NFIB: variants seen among roughly 807,000 people sequenced by gnomAD.
NFIB encodes nuclear factor I B.
In NFIB, 11 loss-of-function variants were observed where a neutral mutation model predicts 61.5. The ratio of observed to expected loss-of-function variants is 0.18; its 90% CI spans 0.11 to 0.30. The LOEUF is 0.30. NFIB is among the 10% of genes least tolerant of loss of function. The probability of loss-of-function intolerance (pLI) is 1.00; values close to 1 mark genes in which losing one functional copy is unlikely to be tolerated. For synonymous variants in NFIB, 260 were observed against 216.5 expected (o/e 1.20, Z -1.76); for missense variants, 471 against 608.9 (o/e 0.77, Z 2.38).
At chr9:14,204,358 G>A in intron 2 of NFIB, 2 of 867,590 alleles carry the variant, frequency 2.3e-6, no homozygotes. Flanking sequence ...AAAGGCCTAA[G>A]AATTTTGGCA....
At chr9:14,123,393 T>C (rs1018241782) in intron 7 of NFIB, among the ~76,000 whole-genome samples, 1 of 152,228 alleles carries the variant, frequency 6.6e-6, no homozygotes, top group Non-Finnish European at 1.5e-5. Flanking sequence ...TCTTCTTTCC[T>C]TCAGTCTTGC....
At chr9:14,526,154 T>C in the NFIB span, among the ~76,000 whole-genome samples, 14 of 152,132 alleles carry the variant, frequency 9.2e-5, no homozygotes. Context: ...ATATCCATTA[T>C]GTTCTAACCT....
At chr9:14,408,849 A>G in the NFIB span, among the ~76,000 whole-genome samples, 1 of 152,138 alleles carries the variant, frequency 6.6e-6, no homozygotes, top group Non-Finnish European at 1.5e-5. Flanking sequence ...CATTTTTTTA[A>G]TCCTCATAGC....
At chr9:14,150,959 T>A (rs145331001) in intron 4 of NFIB, among the ~76,000 whole-genome samples, 3,155 of 152,202 alleles carry the variant, frequency 0.021, 52 homozygotes, top group Middle Eastern at 0.044. Context: ...TCTGTTCACA[T>A]TTTTTAAATT....
At chr9:14,350,724 G>T (rs965942097) in intron 1 of NFIB, among the ~76,000 whole-genome samples, 1 of 152,154 alleles carries the variant, frequency 6.6e-6, no homozygotes, top group African/African-American at 2.4e-5. Flanking sequence ...TACCTTATGG[G>T]CGCTGATCGT....
chr9:14,113,211 C>G lies in NFIB; in HGVS notation c.1385-130G>C, dbSNP rs2037647241. The G allele has an allele frequency of 4.4e-6, 3 of 688,558 alleles. No individual in the cohort carries two copies. The South Asian group carries it at 6.5e-5, about 15-fold the overall frequency. The allele number at this position is 688,558 out of a possible 1,614,324, so 42.7% of individuals were successfully genotyped here. ...AAAAAAGTGTCTTCATTTCTCTTCT[C>G]TTTTGTCTGAGTGAACACCAAGTGA... On this transcript the variant is annotated intron_variant, in intron 9 of 10. Transcript: ENST00000380953.
chr9:14,248,076 G>A (rs2055140743), intron 2 of NFIB, among the ~76,000 whole-genome samples: 1 of 151,684 alleles, frequency 6.6e-6, no homozygotes, highest in Non-Finnish European at 1.5e-5. Flanking sequence ...GGGACTAAAG[G>A]CATGCACCAC....
intron 1 of NFIB, among the ~76,000 whole-genome samples, chr9:14,335,265 C>T (rs1024506480): frequency 6.6e-6 from 1 of 152,132 alleles, no homozygotes; most frequent in Admixed American, 6.5e-5. Context: ...AATGTCAACA[C>T]CGTTTTCCAA....
chr9:14,504,610 G>T, the NFIB span, among the ~76,000 whole-genome samples: 1 of 152,246 alleles, frequency 6.6e-6, no homozygotes, highest in Admixed American at 6.5e-5. Flanking sequence ...AAGGGGTTAA[G>T]TTCTTGATTT....
chr9:14,106,649 A>T (rs2036602339), intron 10 of NFIB, among the ~76,000 whole-genome samples: 1 of 152,124 alleles, frequency 6.6e-6, no homozygotes, highest in Admixed American at 6.5e-5. Flanking sequence ...TAAGATTTGG[A>T]TCATTATCCT....
At chr9:14,467,784 T>C in the NFIB span, among the ~76,000 whole-genome samples, 1 of 152,202 alleles carries the variant, frequency 6.6e-6, no homozygotes, top group Admixed American at 6.5e-5. Context: ...TGTGGAGCCC[T>C]TGCAGGAGGC....
At chr9:14,268,840 T>C (rs754732845) in intron 2 of NFIB, among the ~76,000 whole-genome samples, 2 of 152,214 alleles carry the variant, frequency 1.3e-5, no homozygotes, top group Non-Finnish European at 2.9e-5. Flanking sequence ...AAAACAAATG[T>C]TCACTGAATT....
chr9:14,235,177 C>G (rs1442981011), intron 2 of NFIB, among the ~76,000 whole-genome samples: 1 of 152,134 alleles, frequency 6.6e-6, no homozygotes, highest in Non-Finnish European at 1.5e-5. Context: ...GAAAAAAAGA[C>G]TTCACACTAA....
the NFIB span, among the ~76,000 whole-genome samples, chr9:14,491,462 A>G: frequency 6.6e-6 from 1 of 152,194 alleles, no homozygotes; most frequent in African/African-American, 2.4e-5. Context: ...GACAACTACA[A>G]CCATTCTGGG....
intron 2 of NFIB, among the ~76,000 whole-genome samples, chr9:14,207,172 G>T (rs2049830623): frequency 6.6e-6 from 1 of 152,080 alleles, no homozygotes; most frequent in Non-Finnish European, 1.5e-5. Flanking sequence ...ACTTGCCTAA[G>T]GCTATCCAAC....
the NFIB span, among the ~76,000 whole-genome samples, chr9:14,466,401 G>C: frequency 6.6e-6 from 1 of 152,110 alleles, no homozygotes; most frequent in Non-Finnish European, 1.5e-5. Flanking sequence ...ACTGGCACTG[G>C]GGGTGTGCAG....
chr9:14,241,182 T>G (rs766916735), intron 2 of NFIB, among the ~76,000 whole-genome samples: 1 of 152,214 alleles, frequency 6.6e-6, no homozygotes, highest in Non-Finnish European at 1.5e-5. Flanking sequence ...GTCTTTTGAA[T>G]AATTCCAGAA....
rs1424684485 is a variant in NFIB at position 14,231,121 on chromosome 9, A to G, written c.563-51341T>C. On this transcript the variant is annotated intron_variant, in intron 2 of 10. Coordinates refer to ENST00000380953, the MANE Select transcript of NFIB (RefSeq NM_001190737.2). ...CTTGGCCTACAGTTTTTCCATGGGG[A>G]AAAAAAAAAAAAAAATATATATATA... is the stretch of plus-strand genomic sequence containing the variant. Among the ~76,000 whole-genome samples, 324 of 53,452 alleles carry G rather than the reference A, an allele frequency of 6.1e-3. 1 individual carries two copies. Among genetic ancestry groups the G allele is most frequent in the African/African-American group, 0.019 (275 of 14,550 alleles). The allele number at this position is 53,452 out of a possible 152,430, so 35.1% of individuals were successfully genotyped here.
At chr9:14,349,041 G>A (rs1346069366) in intron 1 of NFIB, among the ~76,000 whole-genome samples, 3 of 152,144 alleles carry the variant, frequency 2.0e-5, no homozygotes, top group South Asian at 4.1e-4. Flanking sequence ...GCTTGGACTC[G>A]CTGCAACCCA....
Sources: allele counts gnomAD v4.1 joint callset (sites outside exome capture counted in the v4.1 genomes callset), GRCh38; gene constraint gnomAD v4.1.1; transcripts MANE v1.5; gene names NCBI Gene and HGNC (gene_info 2026-07-23, HGNC 2026-07-21).